The following ARHGEF9 variants were observed in gnomAD, a reference collection of about 807,000 sequenced individuals.
ARHGEF9 encodes rho guanine nucleotide exchange factor 9.
Under a neutral mutation model 41.3 loss-of-function variants are expected in ARHGEF9, and 2 were observed. The observed-to-expected ratio is 0.05, with a 90% CI of 0.02 to 0.15. The LOEUF (loss-of-function observed/expected upper bound fraction) is 0.15. Ranked by LOEUF, ARHGEF9 falls within the 10% of genes least tolerant of loss-of-function variation. ARHGEF9 has a pLI of 1.00. For missense variants in ARHGEF9, 225 were observed against 424.7 expected, an observed-to-expected ratio of 0.53 and a Z score of 4.13; for synonymous variants, 160 against 154.4, an observed-to-expected ratio of 1.04 and a Z score of -0.27.
chrX:63,667,224 T>A (rs2049635898), intron 6 of ARHGEF9, among the ~76,000 whole-genome samples: 1 of 112,086 alleles, frequency 8.9e-6, no homozygotes, highest in Non-Finnish European at 1.9e-5. Flanking sequence ...GAAGTAGATA[T>A]TCTTGCTCCC....
chrX:63,742,035 C>T (rs1414163576), intron 1 of ARHGEF9, among the ~76,000 whole-genome samples: 2 of 112,287 alleles, frequency 1.8e-5, no homozygotes, highest in Non-Finnish European at 3.8e-5. Context: ...AACAGCCTTC[C>T]TTCAAGTCTG....
intron 2 of ARHGEF9, among the ~76,000 whole-genome samples, chrX:63,710,552 T>C (rs782026314): frequency 9.0e-5 from 10 of 110,823 alleles, no homozygotes; most frequent in Non-Finnish European, 1.7e-4. Context: ...TTACACCATA[T>C]GAGTGAAATA....
At chrX:63,754,225 C>T (rs782285053) in intron 1 of ARHGEF9, 22 of 1,067,828 alleles carry the variant, frequency 2.1e-5, no homozygotes, top group Admixed American at 6.6e-5. Context: ...AACAATTTCA[C>T]TCAAGCAATA....
chrX:63,724,868 A>G, intron 1 of ARHGEF9, 157 bp from the exon 2 acceptor site: 1 of 505,671 alleles, frequency 2.0e-6, no homozygotes, highest in Non-Finnish European at 3.4e-6. Flanking sequence ...GTTCCATTAG[A>G]CCGCAAGACA....
At chrX:63,744,233 T>C (rs1167938216) in intron 1 of ARHGEF9, among the ~76,000 whole-genome samples, 1 of 112,429 alleles carries the variant, frequency 8.9e-6, no homozygotes, top group Non-Finnish European at 1.9e-5. Flanking sequence ...AAACTCCTAG[T>C]TCTGTGACAC....
chrX:63,669,081 A>G (rs2049775247), intron 6 of ARHGEF9, among the ~76,000 whole-genome samples: 1 of 112,568 alleles, frequency 8.9e-6, no homozygotes, highest in African/African-American at 3.2e-5. Flanking sequence ...GAGGGGGAAT[A>G]TTAAAACAGT....
intron 1 of ARHGEF9, chrX:63,755,425 AGGACTGGGAAAGAGGGAGGGAAG>A: frequency 3.4e-6 from 1 of 293,081 alleles, no homozygotes; most frequent in Non-Finnish European, 5.8e-6. Context: ...GGGGAGGAAA[AGGACTGGGAAAGAGGGAGGGAAG>A]GGACCCAATA....
chrX:63,740,502 A>G (rs1556425735), intron 1 of ARHGEF9, among the ~76,000 whole-genome samples: 2 of 112,387 alleles, frequency 1.8e-5, no homozygotes. Flanking sequence ...ATCTAAGGGC[A>G]ATACTGGATG....
At chrX:63,754,306 A>G (rs1313613911) in intron 1 of ARHGEF9, 2 of 1,208,814 alleles carry the variant, frequency 1.7e-6, no homozygotes, top group Non-Finnish European at 2.2e-6. Flanking sequence ...TAATATACCA[A>G]CGTCATACAT....
At chrX:63,664,175 T>C (rs1277479382) in intron 7 of ARHGEF9, among the ~76,000 whole-genome samples, 1 of 112,570 alleles carries the variant, frequency 8.9e-6, no homozygotes, top group Admixed American at 9.4e-5. Flanking sequence ...GCTCCCACTA[T>C]CTGGCTTAGA....
At chrX:63,690,505 T>C (rs1422963065) in intron 4 of ARHGEF9, among the ~76,000 whole-genome samples, 2 of 111,376 alleles carry the variant, frequency 1.8e-5, no homozygotes, top group African/African-American at 6.5e-5. Context: ...AAGTGTCTCA[T>C]CAAAGAAAAG....
chrX:63,718,003 T>G (rs1218534732), intron 2 of ARHGEF9, among the ~76,000 whole-genome samples: 5 of 111,965 alleles, frequency 4.5e-5, no homozygotes, highest in Non-Finnish European at 9.4e-5. Context: ...AGATCTGTCC[T>G]GAGGTATAAC....
At chrX:63,694,598 T>C (rs1472141658) in intron 4 of ARHGEF9, among the ~76,000 whole-genome samples, 3 of 112,320 alleles carry the variant, frequency 2.7e-5, no homozygotes, top group Non-Finnish European at 5.6e-5. Context: ...AAGCTAAACA[T>C]AAAAGATTAT....
intron 8 of ARHGEF9, among the ~76,000 whole-genome samples, chrX:63,646,511 C>G (rs1435043802): frequency 8.9e-6 from 1 of 111,739 alleles, no homozygotes; most frequent in Non-Finnish European, 1.9e-5. Context: ...GCTTGTTTTT[C>G]TCAGGTTTGT....
intron 1 of ARHGEF9, among the ~76,000 whole-genome samples, chrX:63,773,649 T>G (rs782578248): frequency 8.9e-6 from 1 of 112,097 alleles, no homozygotes. Flanking sequence ...AACATTACTC[T>G]GGGTGTGTCT....
chrX:63,776,941 C>G (rs1475544466), intron 1 of ARHGEF9, among the ~76,000 whole-genome samples: 1 of 111,449 alleles, frequency 9.0e-6, no homozygotes, highest in East Asian at 2.8e-4. Context: ...GTAAGATTGT[C>G]CAAGCATCTG....
chrX:63,674,541 T>C (rs1413051760), intron 5 of ARHGEF9, among the ~76,000 whole-genome samples: 3 of 111,632 alleles, frequency 2.7e-5, no homozygotes, highest in Non-Finnish European at 1.9e-5. Flanking sequence ...TTTTAAGGAT[T>C]CAGGGTGGGA....
chrX:63,716,780 A>G (rs1396217030), intron 2 of ARHGEF9, among the ~76,000 whole-genome samples: 2 of 110,809 alleles, frequency 1.8e-5, no homozygotes, highest in African/African-American at 6.6e-5. Flanking sequence ...CTTTCTCCCA[A>G]TATTTTCAGT....
At chrX:63,740,690 C>T (rs1299037127) in intron 1 of ARHGEF9, among the ~76,000 whole-genome samples, 1 of 111,361 alleles carries the variant, frequency 9.0e-6, no homozygotes, top group Non-Finnish European at 1.9e-5. Context: ...GGATGCTGCT[C>T]CCAGGAAAGC....
Sources: allele counts gnomAD v4.1 joint callset (sites outside exome capture counted in the v4.1 genomes callset), GRCh38; gene constraint gnomAD v4.1.1; transcripts MANE v1.5; gene names NCBI Gene and HGNC (gene_info 2026-07-23, HGNC 2026-07-21).